The following KAZN variants were observed in gnomAD, a reference collection of about 807,000 sequenced individuals.
The protein encoded by KAZN is kazrin, periplakin interacting protein, also known as kazrin.
KAZN carries 40 observed loss-of-function variants against 87.4 expected under a neutral mutation model. The observed-to-expected ratio is 0.46, with a 90% CI of 0.36 to 0.60. KAZN has a LOEUF of 0.60. Ranked by LOEUF, KAZN falls within the 20% of genes least tolerant of loss-of-function variation. The probability of loss-of-function intolerance (pLI) is 0.00; values close to 1 mark genes in which losing one functional copy is unlikely to be tolerated. For missense variants in KAZN, 898 were observed against 1,073.9 expected (o/e 0.84, Z 2.29); for synonymous variants, 466 against 458.3 (o/e 1.02, Z -0.22).
At chr1:14,420,745 G>A (rs1044654423) in intron 2 of KAZN, among the ~76,000 whole-genome samples, 16 of 152,180 alleles carry the variant, frequency 1.1e-4, no homozygotes, top group Admixed American at 9.2e-4. Flanking sequence ...TGTTGGCCCA[G>A]GTGCTAAGCC....
chr1:13,958,914 A>G (rs1641650733), intron 1 of KAZN, among the ~76,000 whole-genome samples: 2 of 152,136 alleles, frequency 1.3e-5, no homozygotes, highest in Admixed American at 6.5e-5. Flanking sequence ...GCTCTACTAG[A>G]TTGGTGAGGT....
intron 8 of KAZN, among the ~76,000 whole-genome samples, chr1:15,085,047 T>A (rs1184726457): frequency 3.3e-5 from 5 of 151,680 alleles, no homozygotes; most frequent in African/African-American, 1.2e-4. Context: ...GTTTTAGAAA[T>A]GAAAAAAATA....
At chr1:14,333,735 G>A (rs1307133322) in intron 2 of KAZN, among the ~76,000 whole-genome samples, 1 of 152,124 alleles carries the variant, frequency 6.6e-6, no homozygotes, top group African/African-American at 2.4e-5. Flanking sequence ...GGGGGGTGTC[G>A]CTTGTTAAAT....
chr1:14,664,105 GT>G (rs1298010748), intron 1 of KAZN, among the ~76,000 whole-genome samples: 3 of 152,204 alleles, frequency 2.0e-5, no homozygotes, highest in Non-Finnish European at 4.4e-5. Flanking sequence ...CCTATATGAG[GT>G]AGTTAGAGTA....
At chr1:14,656,759 G>A (rs931693950) in intron 1 of KAZN, among the ~76,000 whole-genome samples, 8 of 152,288 alleles carry the variant, frequency 5.3e-5, no homozygotes, top group Middle Eastern at 3.4e-3. Context: ...TCACTATCAC[G>A]AGAACAGCAA....
intron 2 of KAZN, among the ~76,000 whole-genome samples, chr1:14,445,298 T>A (rs1666920327): frequency 6.6e-6 from 1 of 152,158 alleles, no homozygotes; most frequent in African/African-American, 2.4e-5. Flanking sequence ...AGTGCTGAGA[T>A]TACAGGCATG....
chr1:14,036,264 G>A (rs1641553661), intron 1 of KAZN, among the ~76,000 whole-genome samples: 1 of 152,192 alleles, frequency 6.6e-6, no homozygotes, highest in Non-Finnish European at 1.5e-5. Flanking sequence ...GTGGGAGGAA[G>A]GAGGCTGGGA....
chr1:14,851,872 G>C (rs1302987071), intron 1 of KAZN, among the ~76,000 whole-genome samples: 1 of 152,196 alleles, frequency 6.6e-6, no homozygotes, highest in Non-Finnish European at 1.5e-5. Context: ...CCCTGCAACT[G>C]CAGGTCACTG....
At chr1:14,299,162 G>T (rs991386921) in intron 2 of KAZN, among the ~76,000 whole-genome samples, 6 of 152,174 alleles carry the variant, frequency 3.9e-5, no homozygotes, top group African/African-American at 1.4e-4. Flanking sequence ...TACTCTCATG[G>T]AATTTACAAC....
chr1:14,366,884 A>G (rs537046633), intron 2 of KAZN, among the ~76,000 whole-genome samples: 1 of 152,312 alleles, frequency 6.6e-6, no homozygotes, highest in African/African-American at 2.4e-5. Flanking sequence ...TCCAGGAAAA[A>G]TCAGGTCTCA....
intron 2 of KAZN, among the ~76,000 whole-genome samples, chr1:14,386,468 T>G (rs1276353922): frequency 2.6e-5 from 4 of 152,106 alleles, no homozygotes; most frequent in Non-Finnish European, 5.9e-5. Context: ...TTCCTTTCCA[T>G]GTTTAGCACT....
At chr1:15,071,607 C>T (rs1377194506) in intron 8 of KAZN, among the ~76,000 whole-genome samples, 6 of 152,182 alleles carry the variant, frequency 3.9e-5, no homozygotes, top group South Asian at 2.1e-4. Flanking sequence ...CTCAAAGTCC[C>T]GTGGCTGGAA....
chr1:14,883,674 C>T (rs1430786269), intron 1 of KAZN, among the ~76,000 whole-genome samples: 1 of 152,118 alleles, frequency 6.6e-6, no homozygotes, highest in Non-Finnish European at 1.5e-5. Context: ...TTCAAGGGCT[C>T]TCCCTCCCTA....
At chr1:13,897,685 A>G (rs56176039) in intron 1 of KAZN, among the ~76,000 whole-genome samples, 6,302 of 152,216 alleles carry the variant, frequency 0.041, 372 homozygotes, top group East Asian at 0.12. Flanking sequence ...GGCAGAGTTG[A>G]GATTTAAACT....
chr1:14,124,602 T>G (rs1431674531), intron 1 of KAZN, among the ~76,000 whole-genome samples: 1 of 152,230 alleles, frequency 6.6e-6, no homozygotes, highest in East Asian at 1.9e-4. Flanking sequence ...AGGAAAGATC[T>G]TTTCTTATTT....
At chr1:14,753,844 C>A (rs905792135) in intron 1 of KAZN, among the ~76,000 whole-genome samples, 4 of 152,178 alleles carry the variant, frequency 2.6e-5, no homozygotes, top group African/African-American at 9.6e-5. Flanking sequence ...CTGGAGGCTG[C>A]GAAGTCCAAG....
chr1:14,868,542 G>A (rs1218870451), intron 1 of KAZN, among the ~76,000 whole-genome samples: 1 of 152,026 alleles, frequency 6.6e-6, no homozygotes, highest in Non-Finnish European at 1.5e-5. Flanking sequence ...TTCTTGAAGT[G>A]AATGTCTAAC....
chr1:13,938,943 AGT>A (rs1276075359), intron 1 of KAZN, among the ~76,000 whole-genome samples: 3 of 152,180 alleles, frequency 2.0e-5, no homozygotes, highest in East Asian at 3.8e-4. Context: ...ATCCTCTTGG[AGT>A]GACACAGGGC....
intron 1 of KAZN, among the ~76,000 whole-genome samples, chr1:14,816,112 G>A (rs940099303): frequency 6.6e-6 from 1 of 152,110 alleles, no homozygotes; most frequent in Non-Finnish European, 1.5e-5. Flanking sequence ...GATGGCTTAA[G>A]TCTTCTTCTG....
Sources: allele counts gnomAD v4.1 joint callset (sites outside exome capture counted in the v4.1 genomes callset), GRCh38; gene constraint gnomAD v4.1.1; transcripts MANE v1.5; gene names NCBI Gene and HGNC (gene_info 2026-07-23, HGNC 2026-07-21).